The following ABR variants were observed in gnomAD, a reference collection of about 807,000 sequenced individuals.
ABR encodes active breakpoint cluster region-related protein.
A neutral mutation model predicts 107.2 loss-of-function variants in ABR; 35 were observed. That is an observed-to-expected ratio of 0.33 (90% confidence interval 0.25 to 0.43). The LOEUF (loss-of-function observed/expected upper bound fraction) is 0.43. ABR is among the 20% of genes least tolerant of loss of function. The pLI is 1.00. For missense variants in ABR, 815 were observed against 1,115.2 expected (o/e 0.73, Z 3.83); for synonymous variants, 498 against 462.0 (o/e 1.08, Z -1.00).
rs2042886366 is a variant in ABR at position 1,210,730 on chromosome 17, C to T, written c.838+18063G>A. ...TATCACTTTATCAACCAACTGGCAA[C>T]TCCTATCTACTCACACACAAACTCA... is the stretch of plus-strand genomic sequence containing the variant. On this transcript the variant is annotated intron_variant, in intron 1 of 22. Transcript: ENST00000574139. The surrounding 1 kb of genome is among the most constrained non-coding windows in gnomAD (Gnocchi z 5.6). Among the ~76,000 whole-genome samples, 1 of 152,212 alleles carries T rather than the reference C, an allele frequency of 6.6e-6. No individual in the cohort carries two copies. Among genetic ancestry groups the T allele is most frequent in the Admixed American group, 6.5e-5 (1 of 15,274 alleles).
chr17:1,075,633 C>T (rs925437506), intron 6 of ABR, among the ~76,000 whole-genome samples: 4 of 152,204 alleles, frequency 2.6e-5, no homozygotes, highest in African/African-American at 9.6e-5. Flanking sequence ...TCTGCAAGAC[C>T]ACAAGGGCCA....
At chr17:1,198,007 G>A (rs545486053) in intron 1 of ABR, among the ~76,000 whole-genome samples, 15 of 151,846 alleles carry the variant, frequency 9.9e-5, no homozygotes, top group African/African-American at 2.9e-4. Flanking sequence ...GCAGCCCCAC[G>A]CTGTGGGTTA....
At chr17:1,057,823 G>A (rs1338424802) in intron 12 of ABR, 147 bp downstream of exon 12, 4 of 678,194 alleles carry the variant, frequency 5.9e-6, no homozygotes, top group Non-Finnish European at 7.8e-6. Flanking sequence ...CAATTAATCC[G>A]TAACATCCTT....
chr17:1,087,603 C>A lies in ABR; in HGVS notation c.532-3976G>T, dbSNP rs183464080. On this transcript the variant is annotated intron_variant, in intron 4 of 22. Coordinates refer to ENST00000302538, the MANE Select transcript of ABR (RefSeq NM_021962.5). ...GACCTTAAAAGGGGGCGGGGCCGGA[C>A]GGGAGGGAGTTTATTTCCTTTTCCA... 1.4e-4 allele frequency among the ~76,000 whole-genome samples: 22 copies of A among 152,120 alleles called. No homozygotes were observed. The East Asian group carries it at 4.3e-3, about 29-fold the overall frequency.
chr17:1,109,496 T>C (rs2038521111), intron 2 of ABR, among the ~76,000 whole-genome samples: 1 of 150,922 alleles, frequency 6.6e-6, no homozygotes, highest in South Asian at 2.1e-4. Context: ...GGGCCGCGGC[T>C]GGCGGAGGCT....
chr17:1,083,121 C>T (rs574104169), intron 5 of ABR: 1 of 96,146 alleles, frequency 1.0e-5, no homozygotes, highest in Admixed American at 1.3e-4. Context: ...AAGACTCTGT[C>T]TCAAAAAAAA....
At chr17:1,066,715 GACA>G (rs2034779792) in intron 10 of ABR, among the ~76,000 whole-genome samples, 2 of 152,046 alleles carry the variant, frequency 1.3e-5, no homozygotes, top group African/African-American at 4.8e-5. Flanking sequence ...TTTTAGTAGA[GACA>G]GGGTTTTGCC....
At chr17:1,088,739 T>C (rs1006505169) in intron 4 of ABR, among the ~76,000 whole-genome samples, 1 of 150,172 alleles carries the variant, frequency 6.7e-6, no homozygotes, top group Non-Finnish European at 1.5e-5. Flanking sequence ...CAGGTGCGTG[T>C]TATCATGCCC....
At chr17:1,026,111 G>A (rs1260363770) in intron 16 of ABR, among the ~76,000 whole-genome samples, 1 of 152,226 alleles carries the variant, frequency 6.6e-6, no homozygotes, top group Non-Finnish European at 1.5e-5. Context: ...TTGAGACATG[G>A]CCAAGATCAT....
chr17:1,166,949 G>C (rs1488075939), intron 1 of ABR, among the ~76,000 whole-genome samples: 1 of 152,164 alleles, frequency 6.6e-6, no homozygotes, highest in Non-Finnish European at 1.5e-5. Context: ...TGCAGTGAGA[G>C]CTGAGATCGC....
At chr17:1,090,348 G>T (rs1567735563) in intron 4 of ABR, among the ~76,000 whole-genome samples, 1 of 152,088 alleles carries the variant, frequency 6.6e-6, no homozygotes, top group Non-Finnish European at 1.5e-5. Context: ...GGGATCCGCT[G>T]AAGGGGCCGT....
intron 2 of ABR, among the ~76,000 whole-genome samples, chr17:1,115,933 A>C (rs1169889584): frequency 6.8e-6 from 1 of 147,836 alleles, no homozygotes; most frequent in Non-Finnish European, 1.5e-5. Context: ...TCTCAAAAAA[A>C]TAAAATACAT....
At position 1,071,111 on chromosome 17, in the gene ABR, C is replaced by G. The variant is rs574045840; in HGVS notation, c.895-1021G>C. On this transcript the variant is annotated intron_variant, in intron 8 of 22. Transcript: ENST00000302538. The surrounding 1 kb of genome is among the most constrained non-coding windows in gnomAD (Gnocchi z 5.1). The stretch of plus-strand genomic sequence containing the variant: ...CCAGAGGGTGGAGGCTGCAGTGGAG[C>G]TGAGGTCACGCCATTGCACTCCAGC... Among the ~76,000 whole-genome samples, 2 of 152,244 alleles carry G rather than the reference C, an allele frequency of 1.3e-5. No homozygotes were observed. The highest frequency in any genetic ancestry group is 3.9e-4 in the East Asian group (2 of 5,168).
chr17:1,026,174 A>T (rs1259018292), intron 16 of ABR, among the ~76,000 whole-genome samples: 2 of 152,264 alleles, frequency 1.3e-5, no homozygotes, highest in Admixed American at 1.3e-4. Flanking sequence ...CATTGAGCTG[A>T]TACCAGAGAA....
chr17:1,032,002 C>G (rs773640723), intron 16 of ABR, among the ~76,000 whole-genome samples: 28 of 151,514 alleles, frequency 1.8e-4, no homozygotes, highest in Non-Finnish European at 3.5e-4. Flanking sequence ...GGCCGCCCCT[C>G]CAAGCCCCAA....
chr17:1,082,421 C>T (rs1005115602), intron 5 of ABR, among the ~76,000 whole-genome samples: 2 of 152,008 alleles, frequency 1.3e-5, no homozygotes, highest in Admixed American at 6.5e-5. Flanking sequence ...AGCAGAAGCA[C>T]GCGTGTTCCC....
At chr17:1,106,530 T>G (rs893782499) in intron 2 of ABR, among the ~76,000 whole-genome samples, 26 of 140,368 alleles carry the variant, frequency 1.9e-4, no homozygotes, top group African/African-American at 7.4e-4. Context: ...TCACAGTCTT[T>G]TTTTTTTTTT....
chr17:1,097,202 G>A (rs1162413810), intron 3 of ABR, among the ~76,000 whole-genome samples: 2 of 152,148 alleles, frequency 1.3e-5, no homozygotes, highest in African/African-American at 4.8e-5. Context: ...TTCAGGGAAC[G>A]GGTGTGTTGT....
At chr17:1,187,990 C>T (rs1394577328), upstream of ABR, among the ~76,000 whole-genome samples, 10 of 152,114 alleles carry the variant, frequency 6.6e-5, no homozygotes, top group East Asian at 1.5e-3. Context: ...CCAAGGCAGG[C>T]GGATCACTTG....
Sources: gnomAD v4.1 joint callset for allele counts (sites outside exome capture counted in the v4.1 genomes callset) on GRCh38, gnomAD v4.1.1 for gene constraint, Gnocchi (gnomAD v3.1) non-coding constraint, MANE v1.5 for transcripts, NCBI Gene and HGNC (gene_info 2026-07-23, HGNC 2026-07-21) for gene names.